ZNF717: variants seen among roughly 807,000 people sequenced by gnomAD.
The protein encoded by ZNF717 is zinc finger protein 717.
A neutral mutation model predicts 13.8 loss-of-function variants in ZNF717; 9 were observed. The observed-to-expected ratio is 0.65, with a 90% confidence interval of 0.39 to 1.14. ZNF717 has a LOEUF of 1.14. Ranked by LOEUF, ZNF717 falls within the 50% of genes most tolerant of loss-of-function variation. ZNF717 has a pLI of 0.01. For synonymous variants in ZNF717, 327 were observed against 364.1 expected, an observed-to-expected ratio of 0.90 and a Z score of 1.16; for missense variants, 1,040 against 1,080.7, an observed-to-expected ratio of 0.96 and a Z score of 0.53.
At chr3:75,776,680 C>T (rs371847184) in intron 2 of ZNF717, among the ~76,000 whole-genome samples, 2 of 152,222 alleles carry the variant, frequency 1.3e-5, no homozygotes, top group Non-Finnish European at 2.9e-5. Flanking sequence ...TCCCTCCACA[C>T]TCAGAACCGT....
At chr3:75,762,440 CAAAAA>C (rs36024450) in intron 2 of ZNF717, among the ~76,000 whole-genome samples, 254 of 116,050 alleles carry the variant, frequency 2.2e-3, no homozygotes, top group East Asian at 0.012. Flanking sequence ...GACTCCATCT[CAAAAA>C]AAAAAAAAAA....
intron 2 of ZNF717, among the ~76,000 whole-genome samples, chr3:75,751,440 C>A (rs1460663184): frequency 6.7e-6 from 1 of 149,438 alleles, no homozygotes; most frequent in African/African-American, 2.5e-5. Context: ...AAGAACACTG[C>A]TGCTGGGGTC....
intron 2 of ZNF717, among the ~76,000 whole-genome samples, chr3:75,750,519 C>T (rs1322658612): frequency 6.6e-6 from 1 of 151,576 alleles, no homozygotes; most frequent in East Asian, 1.9e-4. Flanking sequence ...ACATAGGATT[C>T]CAGAACACTG....
intron 2 of ZNF717, among the ~76,000 whole-genome samples, chr3:75,778,433 C>T (rs1298928315): frequency 6.6e-6 from 1 of 151,434 alleles, no homozygotes; most frequent in African/African-American, 2.4e-5. Context: ...AAACCGGAAC[C>T]CAAAACAATG....
At chr3:75,781,912 A>C (rs1944851535) in intron 2 of ZNF717, among the ~76,000 whole-genome samples, 1 of 152,084 alleles carries the variant, frequency 6.6e-6, no homozygotes, top group Non-Finnish European at 1.5e-5. Flanking sequence ...TGTCGTTTTA[A>C]CTTTTTTGTC....
intron 5 of ZNF717, among the ~76,000 whole-genome samples, chr3:75,712,857 TTCTC>T (rs1346060991): frequency 4.6e-5 from 7 of 152,162 alleles, no homozygotes; most frequent in Non-Finnish European, 2.9e-5. Context: ...TATTACTTCT[TTCTC>T]AATAAAGAGC....
In ZNF717 at chr3:75,781,812, G is replaced by A. The variant is rs1422664459; in HGVS notation, c.57+1494C>T. ...TATCATAAAGCCCGCACATTTGTCC[G>A]GCAGCTAACGCCCAGAGCCCCCTCA... On this transcript the variant is annotated intron_variant, in intron 2 of 4. Transcript: ENST00000652011. Among the ~76,000 whole-genome samples the A allele has an allele frequency of 6.6e-5, 10 of 152,206 alleles. No individual in the cohort carries two copies. In the East Asian group the frequency reaches 7.7e-4, roughly 12 times the overall value.
chr3:75,774,047 T>C (rs1456583547), intron 2 of ZNF717, among the ~76,000 whole-genome samples: 2 of 151,592 alleles, frequency 1.3e-5, no homozygotes, highest in African/African-American at 2.4e-5. Flanking sequence ...GGAAAATCCA[T>C]CTCAAAAAAA....
intron 2 of ZNF717, among the ~76,000 whole-genome samples, chr3:75,757,432 ACTAT>A (rs1942588792): frequency 5.3e-5 from 8 of 152,358 alleles, no homozygotes; most frequent in Admixed American, 5.2e-4. Flanking sequence ...TGGATGACAG[ACTAT>A]CTGTTTACAA....
Position 75,783,329 on chromosome 3 carries a change from G to T in ZNF717, c.34C>A (p.Leu12Ile). Residue 12 changes from leucine (L) to isoleucine (I), a missense_variant, in exon 2 of 5, where the codon CTA (leucine) becomes ATA (isoleucine). By Grantham distance (5) the Leu-to-Ile change is conservative. This residue lies in a region of ZNF717 where 123 missense variants were observed against 177.8 expected (regional missense o/e 0.69). Transcript: ENST00000652011. ...ACCAGAGATTTATTCTTTTCTTGTA[G>T]CTCTTGGAAACAGCCAGAGAACACT... is the stretch of plus-strand genomic sequence containing the variant. ...FPVFSGCFQE[L>I]QEKNKSLELV... is the part of the protein sequence containing the mutation. The T allele has an allele frequency of 6.4e-7, 1 of 1,551,186 alleles. No homozygotes were observed. Among genetic ancestry groups the T allele is most frequent in the Non-Finnish European group, 8.7e-7 (1 of 1,146,586 alleles).
rs370627469 is a variant in ZNF717, at chr3:75,737,279, C to T, written c.2344G>A (p.Gly782Arg). 6.4e-7 allele frequency: 1 copy of T among 1,552,838 alleles called. No homozygotes were observed. The highest frequency in any genetic ancestry group is 8.7e-7 in the Non-Finnish European group (1 of 1,147,772). ...TCATCACATTCATAGGGTTTCTCTC[C>T]TGAGTGAGTCCCCTGATGCGTACTG... ...NLSTHQGTHS[G>R]EKPYECDECR... Residue 782 changes from glycine to arginine, a missense_variant, in exon 5 of 5, where the codon GGA becomes AGA. Transcript: ENST00000652011.
intron 2 of ZNF717, among the ~76,000 whole-genome samples, chr3:75,779,517 G>A (rs1165805117): frequency 6.8e-6 from 1 of 147,686 alleles, no homozygotes; most frequent in Admixed American, 6.8e-5. Context: ...GCAAAAACCA[G>A]AACCCAAAAC....
chr3:75,737,672 C>G lies in ZNF717; in HGVS notation c.1951G>C (p.Glu651Gln), dbSNP rs1375466902. The change falls in exon 5 of 5, where the codon GAA becomes CAA. Residue 651 changes from glutamate to glutamine, a missense_variant. By Grantham distance (29) the Glu-to-Gln change is conservative. This residue lies in a region of ZNF717 where 873 missense variants were observed against 832.8 expected (regional missense o/e 1.05). Transcript: ENST00000652011. ...HTGEKPYVCN[E>Q]CGKTFHRKSF... is the part of the protein sequence containing the mutation. ...TTGCGATGAAAGGTTTTTCCACATT[C>G]ATTACATACGTAAGGTTTCTCTCCT... 1 of 583,324 alleles carries G rather than the reference C, an allele frequency of 1.7e-6. No homozygotes were observed. Among genetic ancestry groups the G allele is most frequent in the Non-Finnish European group, 2.2e-6 (1 of 462,270 alleles). 36.1% of individuals were successfully genotyped at this position (583,324 alleles called of 1,614,324 possible). A position where few individuals can be genotyped will look rare whatever the true frequency, so the allele number is the denominator to read the frequency against.
chr3:75,716,090 C>T (rs1196850895), intron 5 of ZNF717, among the ~76,000 whole-genome samples: 1 of 151,848 alleles, frequency 6.6e-6, no homozygotes, highest in Non-Finnish European at 1.5e-5. Context: ...CCTGCCTCAG[C>T]CTCCCAAGTA....
chr3:75,705,846 T>G (rs1937793513), downstream of ZNF717, among the ~76,000 whole-genome samples: 1 of 152,428 alleles, frequency 6.6e-6, no homozygotes, highest in African/African-American at 2.4e-5. Flanking sequence ...GGAAAATTCA[T>G]AGACAAATTT....
At chr3:75,768,018 GGGA>G (rs1943615581) in intron 2 of ZNF717, among the ~76,000 whole-genome samples, 1 of 152,182 alleles carries the variant, frequency 6.6e-6, no homozygotes, top group African/African-American at 2.4e-5. Flanking sequence ...AGAGCCCAGA[GGGA>G]GGAGTAAAAA....
In ZNF717 at chr3:75,740,467, A is replaced by G. The variant is rs181896632; in HGVS notation, c.277+809T>C. ...GAGGCTGGAGTGCAGTGTTGCTATCATAGCTCACTGAAGCTTGAAACTCCT... is the reference window on the plus strand; with the variant it reads ...GAGGCTGGAGTGCAGTGTTGCTATCGTAGCTCACTGAAGCTTGAAACTCCT... On this transcript the variant is annotated intron_variant, in intron 4 of 4. Coordinates refer to ENST00000652011, the MANE Select transcript of ZNF717 (RefSeq NM_001290208.3). Among the ~76,000 whole-genome samples, 709 of 152,096 alleles carry G rather than the reference A, an allele frequency of 4.7e-3. 23 individuals are homozygous for G. The highest frequency in any genetic ancestry group is 0.039 in the Admixed American group (601 of 15,256).
At chr3:75,713,814 G>C (rs1479939831) in intron 5 of ZNF717, among the ~76,000 whole-genome samples, 1 of 152,030 alleles carries the variant, frequency 6.6e-6, no homozygotes, top group African/African-American at 2.4e-5. Context: ...ACAGAGACAA[G>C]TAGTGGCCCC....
chr3:75,747,987 G>A (rs1269137802), intron 2 of ZNF717, among the ~76,000 whole-genome samples: 36 of 152,114 alleles, frequency 2.4e-4, no homozygotes, highest in African/African-American at 8.7e-4. Context: ...TCAAATATAC[G>A]CAATAAAAAA....
Sources: gnomAD v4.1 joint callset for allele counts (sites outside exome capture counted in the v4.1 genomes callset) on GRCh38, gnomAD v4.1.1 for gene constraint, gnomAD v4.1.1 regional missense constraint, MANE v1.5 for transcripts, NCBI Gene and HGNC (gene_info 2026-07-23, HGNC 2026-07-21) for gene names.